The following UGGT2 variants were observed in gnomAD, a reference collection of about 807,000 sequenced individuals.
The protein encoded by UGGT2 is UDP-glucose glycoprotein glucosyltransferase 2.
A neutral mutation model predicts 192.1 loss-of-function variants in UGGT2; 180 were observed. That is an observed-to-expected ratio of 0.94 (90% confidence interval 0.83 to 1.06). The LOEUF (loss-of-function observed/expected upper bound fraction) is 1.06. UGGT2 is among the 50% of genes least tolerant of loss of function. The probability of loss-of-function intolerance (pLI) is 0.00; values close to 1 mark genes in which losing one functional copy is unlikely to be tolerated. For synonymous variants in UGGT2, 580 were observed against 591.0 expected, an observed-to-expected ratio of 0.98 and a Z score of 0.27; for missense variants, 1,849 against 1,795.7, an observed-to-expected ratio of 1.03 and a Z score of -0.54.
At chr13:95,890,022 C>T (rs957208446) in intron 25 of UGGT2, among the ~76,000 whole-genome samples, 1 of 152,162 alleles carries the variant, frequency 6.6e-6, no homozygotes, top group East Asian at 1.9e-4. Context: ...GCCTTAGCAA[C>T]CCCAAGGCAG....
At chr13:95,965,788 T>C (rs1429319062) in intron 12 of UGGT2, among the ~76,000 whole-genome samples, 1 of 152,084 alleles carries the variant, frequency 6.6e-6, no homozygotes, top group African/African-American at 2.4e-5. Context: ...CAAACAAGTA[T>C]ATAATGTTCA....
intron 34 of UGGT2, among the ~76,000 whole-genome samples, chr13:95,855,681 A>G (rs1294842189): frequency 6.6e-6 from 1 of 152,044 alleles, no homozygotes; most frequent in Admixed American, 6.6e-5. Context: ...AAGCTGGCCA[A>G]ATTTAAAATG....
chr13:95,992,615 A>C (rs2051493084), intron 7 of UGGT2, among the ~76,000 whole-genome samples: 2 of 152,166 alleles, frequency 1.3e-5, no homozygotes, highest in African/African-American at 4.8e-5. Context: ...CCTAGGCAAA[A>C]GACATGAACA....
chr13:96,030,762 A>G (rs1203266885), intron 2 of UGGT2, among the ~76,000 whole-genome samples: 1 of 152,208 alleles, frequency 6.6e-6, no homozygotes, highest in African/African-American at 2.4e-5. Context: ...CTGCAGAGAT[A>G]GGAAAATAAT....
In UGGT2 at chr13:95,929,695, T is replaced by C. The variant is rs187682763; in HGVS notation, c.1978-2359A>G. Reference sequence around the variant, plus strand: ...TTTTCTTTAACCAATCCACCACTGATGGACACCTAGGCTGATTCTACATCT... The same window carrying C: ...TTTTCTTTAACCAATCCACCACTGACGGACACCTAGGCTGATTCTACATCT... On this transcript the variant is annotated intron_variant, in intron 17 of 38. Coordinates refer to ENST00000376747, the MANE Select transcript of UGGT2 (RefSeq NM_020121.4). Among the ~76,000 whole-genome samples the C allele has an allele frequency of 2.0e-5, 3 of 152,358 alleles. No individual in the cohort carries two copies. In the East Asian group the frequency reaches 5.8e-4, roughly 29 times the overall value.
intron 1 of UGGT2, among the ~76,000 whole-genome samples, chr13:96,051,769 C>T (rs1025988568): frequency 2.0e-5 from 3 of 152,042 alleles, no homozygotes; most frequent in African/African-American, 7.2e-5. Context: ...ATCAAAACCA[C>T]AATGCGATAC....
chr13:95,928,756 G>A (rs918347248), intron 17 of UGGT2, among the ~76,000 whole-genome samples: 7 of 151,996 alleles, frequency 4.6e-5, no homozygotes, highest in South Asian at 2.1e-4. Context: ...GATGATGTGC[G>A]GCCAGGCAGA....
chr13:96,009,757 G>A (rs765076399), intron 5 of UGGT2, among the ~76,000 whole-genome samples: 11 of 152,218 alleles, frequency 7.2e-5, no homozygotes, highest in East Asian at 5.8e-4. Flanking sequence ...GCAGTGAGCC[G>A]AGATCGCGCC....
chr13:95,920,775 C>T (rs774818241), intron 20 of UGGT2, among the ~76,000 whole-genome samples: 4 of 152,200 alleles, frequency 2.6e-5, no homozygotes, highest in Non-Finnish European at 5.9e-5. Context: ...AAAAGCAGTT[C>T]GGAGATTTCT....
rs1365364199 is a variant in UGGT2 at position 96,053,378 on chromosome 13, G to C, written c.-66C>G. ...CACAGTCTGTGGCCGCCACGCTTCG[G>C]CCGGCTCTTCCCGCTGCGCGGCTGC... On this transcript the variant is annotated 5_prime_UTR_variant, in exon 1 of 39. Coordinates refer to ENST00000376747, the MANE Select transcript of UGGT2 (RefSeq NM_020121.4). 5.2e-6 allele frequency: 8 copies of C among 1,527,268 alleles called. No individual in the cohort carries two copies. Among genetic ancestry groups the C allele is most frequent in the Non-Finnish European group, 7.0e-6 (8 of 1,147,602 alleles). 94.6% of individuals were successfully genotyped at this position (1,527,268 alleles called of 1,614,324 possible).
chr13:95,859,267 GC>G (rs1431812416), intron 33 of UGGT2, among the ~76,000 whole-genome samples: 4 of 151,922 alleles, frequency 2.6e-5, no homozygotes. Context: ...GCCTATCTTT[GC>G]AAAAATGACA....
At chr13:96,029,793 T>C (rs2052777700) in intron 2 of UGGT2, among the ~76,000 whole-genome samples, 1 of 152,222 alleles carries the variant, frequency 6.6e-6, no homozygotes, top group African/African-American at 2.4e-5. Context: ...ATTTGAAATT[T>C]ACAGGAGTAA....
rs759693898 is a variant in UGGT2, at chr13:95,970,276, G to GA, written c.1185-15dup. 5 of 1,566,004 alleles carry GA rather than the reference G, an allele frequency of 3.2e-6. No individual in the cohort carries two copies. The highest frequency in any genetic ancestry group is 4.3e-6 in the Non-Finnish European group (5 of 1,157,604). ...ATATCCAAAATACTATATATTCAAA[G>GA]AAAAAACAGTTTTATTTTGATTTTC... On this transcript the variant is annotated splice_polypyrimidine_tract_variant and intron_variant, in intron 11 of 38. Coordinates refer to ENST00000376747, the MANE Select transcript of UGGT2 (RefSeq NM_020121.4).
At chr13:95,959,776 A>C (rs2050329901) in intron 12 of UGGT2, among the ~76,000 whole-genome samples, 1 of 152,078 alleles carries the variant, frequency 6.6e-6, no homozygotes, top group Non-Finnish European at 1.5e-5. Flanking sequence ...TGTCATTCCC[A>C]GCACCCAAGC....
At chr13:95,987,265 A>G (rs971451417) in intron 8 of UGGT2, among the ~76,000 whole-genome samples, 2 of 152,154 alleles carry the variant, frequency 1.3e-5, no homozygotes, top group Admixed American at 6.6e-5. Context: ...TAGAAATCCT[A>G]GAATTATCTT....
chr13:95,923,210 C>T (rs949229672), intron 20 of UGGT2, among the ~76,000 whole-genome samples: 3 of 151,984 alleles, frequency 2.0e-5, no homozygotes, highest in African/African-American at 4.8e-5. Context: ...CATCACCACA[C>T]CTGGCTAATT....
chr13:95,910,585 A>G (rs1036213062), intron 20 of UGGT2, among the ~76,000 whole-genome samples: 1 of 152,222 alleles, frequency 6.6e-6, no homozygotes, highest in Non-Finnish European at 1.5e-5. Flanking sequence ...CCAGATTCAT[A>G]AAGCAAGTCC....
chr13:96,044,532 CA>C (rs1455113200), intron 1 of UGGT2, among the ~76,000 whole-genome samples: 1 of 151,628 alleles, frequency 6.6e-6, no homozygotes, highest in Non-Finnish European at 1.5e-5. Flanking sequence ...TTGAAACAAA[CA>C]AAAAATACAA....
In UGGT2 at chr13:95,863,497, T is replaced by G. The variant is rs542604306; in HGVS notation, c.3644+132A>C. The G allele has an allele frequency of 5.4e-5, 36 of 667,574 alleles. No individual in the cohort carries two copies. In the East Asian group the frequency reaches 8.3e-4, roughly 15 times the overall value. The allele number at this position is 667,574 out of a possible 1,614,324, so 41.4% of individuals were successfully genotyped here. A position where few individuals can be genotyped will look rare whatever the true frequency, so the allele number is the denominator to read the frequency against. On this transcript the variant is annotated intron_variant, in intron 31 of 38. Transcript: ENST00000376747. ...CCTATCTTGTACACAGTAGTAACAT[T>G]TATGTATTTATCTTATCCCTCCTAG...
Sources: allele counts gnomAD v4.1 joint callset (sites outside exome capture counted in the v4.1 genomes callset), GRCh38; gene constraint gnomAD v4.1.1; transcripts MANE v1.5; gene names NCBI Gene and HGNC (gene_info 2026-07-23, HGNC 2026-07-21).